SLC35D2: variants seen among roughly 807,000 people sequenced by gnomAD.
SLC35D2 encodes nucleotide sugar transporter SLC35D2.
Under a neutral mutation model 41.8 loss-of-function variants are expected in SLC35D2, and 43 were observed. The observed-to-expected ratio is 1.03, with a 90% CI of 0.81 to 1.33. SLC35D2 has a LOEUF of 1.33. SLC35D2 is among the 40% of genes most tolerant of loss of function. The pLI is 0.00. For missense variants in SLC35D2, 380 were observed against 408.4 expected, an observed-to-expected ratio of 0.93 and a Z score of 0.60; for synonymous variants, 150 against 163.9, an observed-to-expected ratio of 0.92 and a Z score of 0.65.
intron 1 of SLC35D2, among the ~76,000 whole-genome samples, chr9:96,372,902 T>C (rs1346677801): frequency 4.0e-5 from 6 of 149,838 alleles, no homozygotes; most frequent in Non-Finnish European, 7.4e-5. Context: ...TTCTTTTGTT[T>C]TTTTGTTTTT....
In SLC35D2 at chr9:96,342,793, A is replaced by G. The variant is rs115940272; in HGVS notation, c.684+1111T>C. ...AGAAAGTCCAGCTGGAGAAAGAACA[A>G]GGAGCTGCCCAGGAGTCCACAGCAG... On this transcript the variant is annotated intron_variant, in intron 8 of 11. Coordinates refer to ENST00000253270, the MANE Select transcript of SLC35D2 (RefSeq NM_007001.3). Among the ~76,000 whole-genome samples, 663 of 152,318 alleles carry G rather than the reference A, an allele frequency of 4.4e-3. 4 individuals are homozygous for G. Among genetic ancestry groups the G allele is most frequent in the African/African-American group, 0.015 (636 of 41,578 alleles).
chr9:96,324,604 G>A (rs1415035797), intron 9 of SLC35D2, among the ~76,000 whole-genome samples: 1 of 144,340 alleles, frequency 6.9e-6, no homozygotes. Context: ...CCAGGCTGCA[G>A]TGCAGTGGTG....
chr9:96,332,325 A>G (rs1471265084), intron 9 of SLC35D2, among the ~76,000 whole-genome samples: 1 of 152,150 alleles, frequency 6.6e-6, no homozygotes, highest in Non-Finnish European at 1.5e-5. Context: ...CCCAAAGCCA[A>G]GGATGTGCTG....
intron 1 of SLC35D2, among the ~76,000 whole-genome samples, chr9:96,372,390 T>C (rs898711781): frequency 5.3e-5 from 8 of 151,904 alleles, no homozygotes; most frequent in African/African-American, 1.7e-4. Flanking sequence ...AAGACAAAAC[T>C]GTATGTATTG....
intron 6 of SLC35D2, among the ~76,000 whole-genome samples, chr9:96,348,839 T>C (rs952510198): frequency 3.3e-5 from 5 of 152,252 alleles, no homozygotes; most frequent in Admixed American, 1.3e-4. Context: ...ACTGGATTTC[T>C]GATCACTGGT....
chr9:96,369,250 G>A (rs571384849), intron 1 of SLC35D2, among the ~76,000 whole-genome samples: 4 of 151,958 alleles, frequency 2.6e-5, no homozygotes, highest in Non-Finnish European at 5.9e-5. Flanking sequence ...TGCAAGAAAG[G>A]CATCTGTATA....
chr9:96,348,309 G>A (rs547342986), intron 6 of SLC35D2, among the ~76,000 whole-genome samples: 38 of 152,364 alleles, frequency 2.5e-4, no homozygotes, highest in African/African-American at 7.2e-4. Flanking sequence ...TTAAGAGCCA[G>A]TGCATAATTC....
intron 4 of SLC35D2, among the ~76,000 whole-genome samples, chr9:96,357,719 T>C (rs1042883745): frequency 6.6e-6 from 1 of 151,814 alleles, no homozygotes; most frequent in Non-Finnish European, 1.5e-5. Flanking sequence ...AAGAAAAACA[T>C]AGAAAAACTG....
At chr9:96,359,857 T>G (rs1587702786) in intron 4 of SLC35D2, among the ~76,000 whole-genome samples, 1 of 152,222 alleles carries the variant, frequency 6.6e-6, no homozygotes, top group South Asian at 2.1e-4. Flanking sequence ...TCACACAAAA[T>G]CATATTCACA....
intron 9 of SLC35D2, among the ~76,000 whole-genome samples, chr9:96,332,980 C>T (rs1828879534): frequency 6.7e-6 from 1 of 150,158 alleles, no homozygotes; most frequent in Non-Finnish European, 1.5e-5. Context: ...CTCACTGCAA[C>T]CTCCAACTCT....
At chr9:96,322,875 C>T (rs894770164) in intron 10 of SLC35D2, among the ~76,000 whole-genome samples, 3 of 151,966 alleles carry the variant, frequency 2.0e-5, no homozygotes, top group Admixed American at 6.6e-5. Context: ...CTCACCACCA[C>T]GCCTGGCTCA....
chr9:96,377,477 C>A (rs143619250), intron 1 of SLC35D2, among the ~76,000 whole-genome samples: 140 of 152,322 alleles, frequency 9.2e-4, no homozygotes, highest in African/African-American at 3.1e-3. Flanking sequence ...TCTCCCAGCA[C>A]AGTATGTAAC....
intron 8 of SLC35D2, among the ~76,000 whole-genome samples, chr9:96,343,048 T>A (rs1387018863): frequency 9.2e-5 from 14 of 151,940 alleles, no homozygotes; most frequent in Non-Finnish European, 2.1e-4. Context: ...CTGAGGAGGG[T>A]TTTGCCCATC....
rs555169127 is a variant in SLC35D2, at chr9:96,379,383, A to G, written c.158+4094T>C. 2.6e-5 allele frequency among the ~76,000 whole-genome samples: 4 copies of G among 152,208 alleles called. 1 individual carries two copies. The East Asian group carries it at 7.7e-4, about 29-fold the overall frequency. On this transcript the variant is annotated intron_variant, in intron 1 of 11. Transcript: ENST00000253270. ...CCTTATTTTCCCCTCTCGCCCCAAT[A>G]GGTTCTCACAGTTCACAGCCTTCAA... is the stretch of plus-strand genomic sequence containing the variant.
chr9:96,367,635 A>G (rs1830527167), intron 2 of SLC35D2, among the ~76,000 whole-genome samples: 1 of 152,138 alleles, frequency 6.6e-6, no homozygotes, highest in African/African-American at 2.4e-5. Context: ...ATACAAAAAT[A>G]GCTGGCCATG....
chr9:96,355,207 G>A (rs1019684643), intron 4 of SLC35D2, among the ~76,000 whole-genome samples: 8 of 151,846 alleles, frequency 5.3e-5, no homozygotes, highest in African/African-American at 1.5e-4. Flanking sequence ...TAGTATAGAT[G>A]GGGTTTCACC....
downstream of SLC35D2, chr9:96,320,641 C>T (rs544241770): frequency 6.6e-6 from 1 of 151,954 alleles, no homozygotes; most frequent in Non-Finnish European, 1.5e-5. Context: ...CAAGGTGACA[C>T]ATTCTGTTAC....
chr9:96,376,294 C>CAAA (rs1163220771), intron 1 of SLC35D2, among the ~76,000 whole-genome samples: 3 of 54,408 alleles, frequency 5.5e-5, no homozygotes, highest in African/African-American at 1.9e-4. Context: ...GACTCTGTCT[C>CAAA]AAAAAAAAAA....
intron 1 of SLC35D2, among the ~76,000 whole-genome samples, chr9:96,379,078 G>A (rs1288339548): frequency 6.6e-6 from 1 of 151,562 alleles, no homozygotes; most frequent in Non-Finnish European, 1.5e-5. Flanking sequence ...CGGATGGATT[G>A]CTTGAGCCCA....
Sources: gnomAD v4.1 joint callset for allele counts (sites outside exome capture counted in the v4.1 genomes callset) on GRCh38, gnomAD v4.1.1 for gene constraint, MANE v1.5 for transcripts, NCBI Gene and HGNC (gene_info 2026-07-23, HGNC 2026-07-21) for gene names.